NTM: variants seen among roughly 807,000 people sequenced by gnomAD.
NTM encodes neurotrimin.
A neutral mutation model predicts 42.1 loss-of-function variants in NTM; 13 were observed. The observed-to-expected ratio is 0.31, with a 90% CI of 0.20 to 0.49. The LOEUF (loss-of-function observed/expected upper bound fraction) is 0.49, where lower values mean the gene tolerates loss of function less well. NTM is among the 20% of genes least tolerant of loss of function. The pLI, the probability that NTM is intolerant of heterozygous loss-of-function variation, is 0.99. For missense variants in NTM, 373 were observed against 452.8 expected (o/e 0.82, Z 1.60); for synonymous variants, 187 against 179.2 (o/e 1.04, Z -0.35).
At chr11:131,886,194 A>T (rs1173064817) in intron 1 of NTM, among the ~76,000 whole-genome samples, 1 of 152,158 alleles carries the variant, frequency 6.6e-6, no homozygotes, top group Admixed American at 6.5e-5. Context: ...TCCTGGTTAA[A>T]TGCTTTCTAG....
intron 1 of NTM, among the ~76,000 whole-genome samples, chr11:131,788,713 C>A (rs181697638): frequency 1.0e-3 from 154 of 152,318 alleles, no homozygotes; most frequent in Non-Finnish European, 1.9e-3. Flanking sequence ...TCCCCACTTA[C>A]CTCACAGCAA....
At chr11:132,272,733 A>G (rs913499015) in intron 4 of NTM, among the ~76,000 whole-genome samples, 2 of 152,154 alleles carry the variant, frequency 1.3e-5, no homozygotes, top group African/African-American at 2.4e-5. Context: ...GTATCCTGCA[A>G]TATTTCTGAG....
intron 1 of NTM, among the ~76,000 whole-genome samples, chr11:131,906,849 A>G (rs1258969795): frequency 6.6e-6 from 1 of 151,870 alleles, no homozygotes; most frequent in Non-Finnish European, 1.5e-5. Context: ...TTCAAGTTGC[A>G]CCTTTGCTCT....
intron 1 of NTM, chr11:131,540,652 T>C (rs1251841298): frequency 1.3e-5 from 2 of 152,220 alleles, no homozygotes; most frequent in African/African-American, 2.4e-5. Context: ...TTGTGCAGCA[T>C]AGTTTGGAAT....
intron 3 of NTM, among the ~76,000 whole-genome samples, chr11:132,162,646 G>A (rs569798271): frequency 3.3e-5 from 5 of 150,448 alleles, no homozygotes; most frequent in African/African-American, 1.2e-4. Context: ...TGGGGCATGT[G>A]TGTGTTTGTG....
intron 1 of NTM, among the ~76,000 whole-genome samples, chr11:131,750,223 T>C (rs1364165515): frequency 1.3e-5 from 2 of 152,216 alleles, no homozygotes; most frequent in Non-Finnish European, 2.9e-5. Flanking sequence ...ATTCCTGAGA[T>C]TGGGTGTTGC....
chr11:131,380,108 G>A (rs757182015), intron 1 of NTM, among the ~76,000 whole-genome samples: 1 of 151,814 alleles, frequency 6.6e-6, no homozygotes, highest in Non-Finnish European at 1.5e-5. Context: ...CGAGCATGCT[G>A]TTCCTTTGGC....
chr11:131,889,808 T>C (rs1319321599), intron 1 of NTM, among the ~76,000 whole-genome samples: 1 of 152,170 alleles, frequency 6.6e-6, no homozygotes, highest in Non-Finnish European at 1.5e-5. Context: ...TGGAGCACTG[T>C]AGCGCCCCTC....
intron 2 of NTM, among the ~76,000 whole-genome samples, chr11:131,992,094 T>G (rs536783877): frequency 1.6e-4 from 25 of 152,264 alleles, no homozygotes; most frequent in Admixed American, 1.5e-3. Flanking sequence ...ACAGATTTTC[T>G]TCCACCTCTG....
At chr11:131,690,067 A>G (rs2074459084) in intron 1 of NTM, among the ~76,000 whole-genome samples, 1 of 152,172 alleles carries the variant, frequency 6.6e-6, no homozygotes. Context: ...ATGATCACTC[A>G]TGATGAGATC....
Position 132,058,569 on chromosome 11 carries a change from T to A in NTM, c.168-87713T>A, listed in dbSNP as rs1030435997. On this transcript the variant is annotated intron_variant, in intron 2 of 8. Transcript: ENST00000683400. ...CTCTTGACATGGGCACTTGCCATGGTTGGTTCTCTCTGCTTGCTATCTTTC... is the reference window on the plus strand; with the variant it reads ...CTCTTGACATGGGCACTTGCCATGGATGGTTCTCTCTGCTTGCTATCTTTC... Among the ~76,000 whole-genome samples the A allele has an allele frequency of 4.6e-5, 7 of 152,212 alleles. No individual in the cohort carries two copies. In the East Asian group the frequency reaches 1.4e-3, roughly 29 times the overall value.
At chr11:131,434,382 G>A (rs1042021243) in intron 1 of NTM, among the ~76,000 whole-genome samples, 1 of 152,192 alleles carries the variant, frequency 6.6e-6, no homozygotes, top group Admixed American at 6.5e-5. Flanking sequence ...CACAATGGCT[G>A]AACTAATTTA....
intron 1 of NTM, among the ~76,000 whole-genome samples, chr11:131,700,999 GT>G (rs1395913858): frequency 6.6e-6 from 1 of 152,062 alleles, no homozygotes; most frequent in African/African-American, 2.4e-5. Flanking sequence ...CTGAACCCTA[GT>G]TTTCTTGTGA....
intron 2 of NTM, among the ~76,000 whole-genome samples, chr11:131,952,344 GTCATC>G (rs2061097001): frequency 6.6e-6 from 1 of 152,134 alleles, no homozygotes; most frequent in Non-Finnish European, 1.5e-5. Context: ...GAACTCTATA[GTCATC>G]TAAATACTTC....
At chr11:132,259,102 T>G (rs1323638459) in intron 4 of NTM, among the ~76,000 whole-genome samples, 1 of 152,312 alleles carries the variant, frequency 6.6e-6, no homozygotes, top group East Asian at 1.9e-4. Flanking sequence ...GATACGGCTG[T>G]GGGAGCAGGC....
intron 1 of NTM, among the ~76,000 whole-genome samples, chr11:131,425,508 C>A (rs1405030942): frequency 6.6e-6 from 1 of 152,222 alleles, no homozygotes; most frequent in Non-Finnish European, 1.5e-5. Context: ...AAAGGCTTCC[C>A]TGAAGCCAGG....
chr11:131,615,655 C>A (rs2061856364), intron 1 of NTM, among the ~76,000 whole-genome samples: 1 of 152,204 alleles, frequency 6.6e-6, no homozygotes, highest in South Asian at 2.1e-4. Context: ...CAGGCGTGAG[C>A]CACCGCACCC....
intron 1 of NTM, among the ~76,000 whole-genome samples, chr11:131,674,434 G>A (rs1036575731): frequency 2.6e-5 from 4 of 152,180 alleles, no homozygotes; most frequent in African/African-American, 9.7e-5. Context: ...TTGGCTTGTC[G>A]CCTGTAAAGT....
At chr11:132,277,363 A>G (rs1473411323) in intron 4 of NTM, among the ~76,000 whole-genome samples, 2 of 152,226 alleles carry the variant, frequency 1.3e-5, no homozygotes, top group Non-Finnish European at 2.9e-5. Context: ...ATAGCAAGGC[A>G]TATATTGTGC....
Sources: allele counts gnomAD v4.1 joint callset (sites outside exome capture counted in the v4.1 genomes callset), GRCh38; gene constraint gnomAD v4.1.1; transcripts MANE v1.5; gene names NCBI Gene and HGNC (gene_info 2026-07-23, HGNC 2026-07-21).